Variants in ZBTB20 observed in about 807,000 individuals in gnomAD.
ZBTB20 encodes zinc finger and BTB domain-containing protein 20.
ZBTB20 carries 9 observed loss-of-function variants against 56.9 expected under a neutral mutation model. The observed-to-expected ratio is 0.16, with a 90% CI of 0.10 to 0.28. The LOEUF (loss-of-function observed/expected upper bound fraction) is 0.28. Among genes scored for constraint, ZBTB20 ranks in the 10% least tolerant of loss-of-function variants. The pLI is 1.00. For missense variants in ZBTB20, 655 were observed against 1,003.0 expected (o/e 0.65, Z 4.69); for synonymous variants, 417 against 420.7 (o/e 0.99, Z 0.11).
chr3:114,349,636 A>G (rs940169539), intron 11 of ZBTB20, among the ~76,000 whole-genome samples: 12 of 152,212 alleles, frequency 7.9e-5, no homozygotes, highest in African/African-American at 2.9e-4. Context: ...ATAGCATCCA[A>G]TCATTGGTCT....
chr3:114,388,907 TC>T (rs2085479994), intron 8 of ZBTB20, 97 bp downstream of exon 8: 1 of 152,292 alleles, frequency 6.6e-6, no homozygotes, highest in South Asian at 2.1e-4. Context: ...AATGAAGCCA[TC>T]TAAAATTTTG....
chr3:114,742,395 A>G (rs1488938836), intron 5 of ZBTB20, among the ~76,000 whole-genome samples: 3 of 152,148 alleles, frequency 2.0e-5, no homozygotes, highest in Non-Finnish European at 4.4e-5. Flanking sequence ...TTTGTCCTCC[A>G]TTTCATAAAT....
intron 5 of ZBTB20, among the ~76,000 whole-genome samples, chr3:114,753,085 T>G (rs1475673935): frequency 3.3e-5 from 5 of 151,790 alleles, no homozygotes; most frequent in Non-Finnish European, 4.4e-5. Flanking sequence ...TACTGGTCTC[T>G]TCTCTGGAGG....
At chr3:114,775,827 G>A (rs1425812755) in intron 5 of ZBTB20, among the ~76,000 whole-genome samples, 1 of 152,130 alleles carries the variant, frequency 6.6e-6, no homozygotes, top group Non-Finnish European at 1.5e-5. Flanking sequence ...CAATGATGGA[G>A]GAAGGTTAAC....
chr3:115,036,540 G>C (rs1385102312), intron 2 of ZBTB20, among the ~76,000 whole-genome samples: 1 of 152,068 alleles, frequency 6.6e-6, no homozygotes, highest in East Asian at 1.9e-4. Context: ...TCAGCCTCCC[G>C]AGTAGCTGGG....
rs1040232304 is a variant in ZBTB20, at chr3:115,124,950, G to A, written c.-703+22269C>T. Among the ~76,000 whole-genome samples, 4 of 151,086 alleles carry A rather than the reference G, an allele frequency of 2.6e-5. No individual in the cohort carries two copies. In the South Asian group the frequency reaches 6.3e-4, roughly 24 times the overall value. ...TACCCTAATAAACATAGGTAAACAC[G>A]AGTTTACCTATAAACAAACCCTGTG... On this transcript the variant is annotated intron_variant, in intron 1 of 11. Transcript: ENST00000675478.
At position 114,549,036 on chromosome 3, in the gene ZBTB20, T is replaced by C. The variant is rs184983387; in HGVS notation, c.-294-48645A>G. ...GCCTCTTAATATACTAAGGTATTAC[T>C]ATATATATTTCTGACCTTTGGCTAC... On this transcript the variant is annotated intron_variant, in intron 6 of 11. Transcript: ENST00000675478. Among the ~76,000 whole-genome samples, 26 of 152,358 alleles carry C rather than the reference T, an allele frequency of 1.7e-4. No homozygotes were observed. The East Asian group carries it at 3.8e-3, about 23-fold the overall frequency.
At chr3:114,550,332 G>A (rs1165183268) in intron 6 of ZBTB20, among the ~76,000 whole-genome samples, 3 of 152,034 alleles carry the variant, frequency 2.0e-5, no homozygotes, top group East Asian at 1.9e-4. Context: ...TTGGGTCAGC[G>A]GTCAGTCATA....
chr3:114,479,414 T>A (rs2041268840), intron 7 of ZBTB20, among the ~76,000 whole-genome samples: 1 of 152,210 alleles, frequency 6.6e-6, no homozygotes, highest in African/African-American at 2.4e-5. Context: ...ATTTCAAAAA[T>A]TACTTTGTGT....
intron 2 of ZBTB20, among the ~76,000 whole-genome samples, chr3:115,009,073 T>C (rs2108252302): frequency 6.6e-6 from 1 of 152,000 alleles, no homozygotes; most frequent in South Asian, 2.1e-4. Flanking sequence ...TTTAGATCCT[T>C]TGAACATTAT....
chr3:114,527,307 T>C (rs1220410201), intron 6 of ZBTB20: 3 of 152,220 alleles, frequency 2.0e-5, no homozygotes, highest in African/African-American at 7.2e-5. Context: ...TGGCACTCAA[T>C]CCAGTGTTGG....
rs150385416 is a variant in ZBTB20, at chr3:114,843,119, T to C, written c.-416-41945A>G. 3.5e-3 allele frequency among the ~76,000 whole-genome samples: 526 copies of C among 152,280 alleles called. 2 individuals are homozygous for C. The highest frequency in any genetic ancestry group is 0.012 in the African/African-American group (493 of 41,548). On this transcript the variant is annotated intron_variant, in intron 4 of 11. Coordinates refer to ENST00000675478, the MANE Select transcript of ZBTB20 (RefSeq NM_001348800.3). The stretch of plus-strand genomic sequence containing the variant: ...CTTCACCTTCTGCCATGATTATAAG[T>C]TTCCTGAGGCCTCCCCAGCTGTGCA...
chr3:114,322,994 T>G lies in ZBTB20; in HGVS notation c.*16011A>C, dbSNP rs1484101118. ...ATTTATATGGGTTGTGATCCTTTCC[T>G]ACTGTGCCAGAACCTTCAAAACTGT... is the stretch of plus-strand genomic sequence containing the variant. On this transcript the variant is annotated 3_prime_UTR_variant, in exon 12 of 12. Coordinates refer to ENST00000675478, the MANE Select transcript of ZBTB20 (RefSeq NM_001348800.3). 7.2e-5 allele frequency: 11 copies of G among 152,198 alleles called. No homozygotes were observed. The highest frequency in any genetic ancestry group is 2.7e-4 in the African/African-American group (11 of 41,454). 9.4% of individuals were successfully genotyped at this position (152,198 alleles called of 1,614,324 possible).
At chr3:114,930,875 T>C (rs1332575714) in intron 3 of ZBTB20, 2 of 266,228 alleles carry the variant, frequency 7.5e-6, no homozygotes, top group South Asian at 5.5e-5. Context: ...GCAGTAAATG[T>C]TACAGGCCCC....
chr3:114,794,933 T>C (rs2071237503), intron 5 of ZBTB20, among the ~76,000 whole-genome samples: 1 of 152,054 alleles, frequency 6.6e-6, no homozygotes, highest in Non-Finnish European at 1.5e-5. Flanking sequence ...GATTAAGGTT[T>C]AACAGATAAA....
intron 5 of ZBTB20, among the ~76,000 whole-genome samples, chr3:114,798,161 G>A (rs1378911209): frequency 1.3e-5 from 2 of 151,532 alleles, no homozygotes; most frequent in African/African-American, 4.8e-5. Context: ...ACACCACTAT[G>A]GTTCTGTTCA....
chr3:114,512,842 A>G lies in ZBTB20; in HGVS notation c.-294-12451T>C, dbSNP rs2045564977. Among the ~76,000 whole-genome samples, 3 of 152,104 alleles carry G rather than the reference A, an allele frequency of 2.0e-5. 1 individual carries two copies. The South Asian group carries it at 6.2e-4, about 32-fold the overall frequency. ...ATCTCAAGTTACAGGCAAATTACAC[A>G]CAAGTTACTGGTCTCCCAGACGTAG... On this transcript the variant is annotated intron_variant, in intron 6 of 11. Coordinates refer to ENST00000675478, the MANE Select transcript of ZBTB20 (RefSeq NM_001348800.3).
chr3:114,521,131 T>G (rs868677629), intron 6 of ZBTB20, among the ~76,000 whole-genome samples: 3 of 152,326 alleles, frequency 2.0e-5, no homozygotes, highest in South Asian at 4.1e-4. Flanking sequence ...TTTCTATGTC[T>G]TAATATAGCA....
At chr3:114,634,690 C>A (rs938055584) in intron 6 of ZBTB20, among the ~76,000 whole-genome samples, 4 of 152,146 alleles carry the variant, frequency 2.6e-5, no homozygotes, top group Non-Finnish European at 4.4e-5. Context: ...GTAAAAAGTG[C>A]AATTTCATGT....
Sources: allele counts gnomAD v4.1 joint callset (sites outside exome capture counted in the v4.1 genomes callset), GRCh38; gene constraint gnomAD v4.1.1; transcripts MANE v1.5; gene names NCBI Gene and HGNC (gene_info 2026-07-23, HGNC 2026-07-21).